Variants in NKAIN2 observed in about 807,000 individuals in gnomAD.
The protein encoded by NKAIN2 is sodium/potassium-transporting ATPase subunit beta-1-interacting protein 2.
Under a neutral mutation model 32.6 loss-of-function variants are expected in NKAIN2, and 14 were observed. The ratio of observed to expected loss-of-function variants is 0.43; its 90% CI spans 0.28 to 0.67. The LOEUF is 0.67. Ranked by LOEUF, NKAIN2 falls within the 30% of genes least tolerant of loss-of-function variation. The pLI, the probability that NKAIN2 is intolerant of heterozygous loss-of-function variation, is 0.17. For missense variants in NKAIN2, 198 were observed against 258.3 expected (o/e 0.77, Z 1.60); for synonymous variants, 80 against 87.2 (o/e 0.92, Z 0.46).
chr6:124,598,421 T>C (rs1481949838), intron 3 of NKAIN2, among the ~76,000 whole-genome samples: 1 of 152,158 alleles, frequency 6.6e-6, no homozygotes, highest in Non-Finnish European at 1.5e-5. Context: ...TGTTGGCATC[T>C]TTTCACTTCA....
rs1172228459 is a variant in NKAIN2 at position 124,823,414 on chromosome 6, A to C, written c.*185A>C. ...CACACACACACGTGAGCACGCACAC[A>C]CCAATTCCACTTGACCTCCTCTTTC... On this transcript the variant is annotated 3_prime_UTR_variant, in exon 7 of 7. Transcript: ENST00000368417. 7 of 562,678 alleles carry C rather than the reference A, an allele frequency of 1.2e-5. No homozygotes were observed. Among genetic ancestry groups the C allele is most frequent in the Non-Finnish European group, 2.2e-5 (7 of 314,442 alleles). The allele number at this position is 562,678 out of a possible 1,614,324, so 34.9% of individuals were successfully genotyped here. A position where few individuals can be genotyped will look rare whatever the true frequency, so the allele number is the denominator to read the frequency against.
rs375274872 is a variant in NKAIN2 at position 124,180,109 on chromosome 6, C to CTG, written c.55-102878_55-102877dup. Among the ~76,000 whole-genome samples, 1,394 of 149,698 alleles carry CTG rather than the reference C, an allele frequency of 9.3e-3. 20 individuals carry two copies. Among genetic ancestry groups the CTG allele is most frequent in the African/African-American group, 0.026 (1,066 of 40,904 alleles). The stretch of plus-strand genomic sequence containing the variant: ...AGGCATGTAAGCAAATAGATATCTA[C>CTG]TGTGTGTGTGTGTGTGTGTATGTAT... On this transcript the variant is annotated intron_variant, in intron 1 of 6. Coordinates refer to ENST00000368417, the MANE Select transcript of NKAIN2 (RefSeq NM_001040214.3).
intron 5 of NKAIN2, among the ~76,000 whole-genome samples, chr6:124,801,638 A>T (rs1780260580): frequency 6.6e-6 from 1 of 152,212 alleles, no homozygotes; most frequent in African/African-American, 2.4e-5. Flanking sequence ...CTTTGCCTTT[A>T]TGGCGCCTAC....
intron 4 of NKAIN2, among the ~76,000 whole-genome samples, chr6:124,679,250 C>T (rs543679904): frequency 4.5e-4 from 69 of 152,188 alleles, no homozygotes; most frequent in Admixed American, 3.7e-3. Context: ...ACCCTGAACC[C>T]GGGACAAGGG....
At chr6:124,790,429 C>T (rs915246724) in intron 4 of NKAIN2, among the ~76,000 whole-genome samples, 4 of 151,874 alleles carry the variant, frequency 2.6e-5, no homozygotes, top group African/African-American at 9.7e-5. Context: ...TGTGTGGGGT[C>T]GGTCCTCAGC....
rs117516907 is a variant in NKAIN2, at chr6:124,682,637, G to A, written c.474+24251G>A. Among the ~76,000 whole-genome samples, 363 of 152,112 alleles carry A rather than the reference G, an allele frequency of 2.4e-3. 2 individuals are homozygous for A. Among genetic ancestry groups the A allele is most frequent in the Non-Finnish European group, 4.3e-3 (295 of 67,994 alleles). ...GAAGGAAAATGCTACCAATATTTGT[G>A]ATAAAATACAAACAAAATGTGCTGA... On this transcript the variant is annotated intron_variant, in intron 4 of 6. Coordinates refer to ENST00000368417, the MANE Select transcript of NKAIN2 (RefSeq NM_001040214.3).
chr6:123,805,769 T>C (rs530472843), intron 1 of NKAIN2, among the ~76,000 whole-genome samples: 29 of 152,320 alleles, frequency 1.9e-4, no homozygotes, highest in Non-Finnish European at 3.7e-4. Context: ...CTTATTTTTA[T>C]ATATTATTCA....
At chr6:124,128,130 A>G (rs1460303225) in intron 1 of NKAIN2, among the ~76,000 whole-genome samples, 1 of 152,050 alleles carries the variant, frequency 6.6e-6, no homozygotes, top group African/African-American at 2.4e-5. Context: ...TGCCTGGCCC[A>G]TGGTTGCTAT....
chr6:124,112,085 G>A lies in NKAIN2; in HGVS notation c.55-170920G>A, dbSNP rs560460372. 3.3e-5 allele frequency among the ~76,000 whole-genome samples: 5 copies of A among 152,018 alleles called. No individual in the cohort carries two copies. In the East Asian group the frequency reaches 7.7e-4, roughly 23 times the overall value. On this transcript the variant is annotated intron_variant, in intron 1 of 6. Transcript: ENST00000368417. ...TAACTTTTATGCTAGAATTAAATGT[G>A]TTTTACCCACCACCATTACAATAAT...
At chr6:124,813,301 G>GTA (rs1780999138) in intron 5 of NKAIN2, among the ~76,000 whole-genome samples, 1 of 152,046 alleles carries the variant, frequency 6.6e-6, no homozygotes, top group Non-Finnish European at 1.5e-5. Context: ...TTAGATCAAA[G>GTA]AAGAATCTAA....
intron 1 of NKAIN2, among the ~76,000 whole-genome samples, chr6:123,876,168 C>T (rs1223127804): frequency 6.6e-6 from 1 of 152,110 alleles, no homozygotes; most frequent in African/African-American, 2.4e-5. Flanking sequence ...TTGCTATAGT[C>T]TCAGAAGTCT....
intron 1 of NKAIN2, among the ~76,000 whole-genome samples, chr6:124,155,593 GCTAT>G (rs1054441032): frequency 4.6e-5 from 7 of 151,338 alleles, no homozygotes; most frequent in African/African-American, 1.7e-4. Flanking sequence ...TGTAATATAT[GCTAT>G]CTTTTTTTTT....
intron 2 of NKAIN2, among the ~76,000 whole-genome samples, chr6:124,331,303 C>T (rs1475291003): frequency 7.8e-6 from 1 of 128,790 alleles, no homozygotes; most frequent in Non-Finnish European, 1.6e-5. Context: ...AGATCGAGAC[C>T]ATCCTGGCTA....
intron 2 of NKAIN2, among the ~76,000 whole-genome samples, chr6:124,328,660 C>A (rs560387843): frequency 1.3e-5 from 2 of 152,262 alleles, no homozygotes; most frequent in African/African-American, 4.8e-5. Context: ...CTCTCTAAAG[C>A]CATGGGGGCC....
chr6:124,242,445 G>A (rs1793155930), intron 1 of NKAIN2, among the ~76,000 whole-genome samples: 1 of 152,160 alleles, frequency 6.6e-6, no homozygotes, highest in Admixed American at 6.6e-5. Flanking sequence ...TGCTGTTGGT[G>A]GGAGTGTAAA....
At chr6:123,989,805 T>C (rs1779336651) in intron 1 of NKAIN2, among the ~76,000 whole-genome samples, 1 of 152,140 alleles carries the variant, frequency 6.6e-6, no homozygotes, top group Non-Finnish European at 1.5e-5. Flanking sequence ...TAAAATTTAT[T>C]ATGTAGGATA....
intron 1 of NKAIN2, among the ~76,000 whole-genome samples, chr6:124,210,644 C>G (rs1791124456): frequency 6.6e-6 from 1 of 151,646 alleles, no homozygotes; most frequent in African/African-American, 2.4e-5. Flanking sequence ...TCTTTTACTA[C>G]TTTGGTTAAG....
intron 3 of NKAIN2, among the ~76,000 whole-genome samples, chr6:124,605,883 G>T (rs550808550): frequency 6.6e-6 from 1 of 151,932 alleles, no homozygotes; most frequent in African/African-American, 2.4e-5. Flanking sequence ...GGGAGCAGGG[G>T]GACAGTCTTT....
chr6:124,500,633 G>T (rs948429441), intron 3 of NKAIN2, among the ~76,000 whole-genome samples: 2 of 151,818 alleles, frequency 1.3e-5, no homozygotes, highest in Non-Finnish European at 2.9e-5. Flanking sequence ...CAGCCTGCGT[G>T]ACAGAGCAAG....
Sources: allele counts gnomAD v4.1 joint callset (sites outside exome capture counted in the v4.1 genomes callset), GRCh38; gene constraint gnomAD v4.1.1; transcripts MANE v1.5; gene names NCBI Gene and HGNC (gene_info 2026-07-23, HGNC 2026-07-21).